LTBR: variants seen among roughly 807,000 people sequenced by gnomAD.
LTBR encodes the protein tumor necrosis factor receptor superfamily member 3.
Under a neutral mutation model 45.4 loss-of-function variants are expected in LTBR, and 15 were observed. The ratio of observed to expected loss-of-function variants is 0.33; its 90% CI spans 0.22 to 0.51. The LOEUF is 0.51. Among genes scored for constraint, LTBR ranks in the 20% least tolerant of loss-of-function variants. The pLI, the probability that LTBR is intolerant of heterozygous loss-of-function variation, is 0.97. For missense variants in LTBR, 450 were observed against 565.5 expected (o/e 0.80, Z 2.07); for synonymous variants, 228 against 231.0 (o/e 0.99, Z 0.12).
chr12:6,377,657 A>G, intron 1 of LTBR: 2 of 1,305,204 alleles, frequency 1.5e-6, no homozygotes, highest in South Asian at 1.2e-5. Context: ...CCCTTGAGCC[A>G]GGTCCTTACA....
rs1439214900 is a variant in LTBR, at chr12:6,388,213, C to G, written c.668-185C>G. The G allele has an allele frequency of 1.7e-6, 1 of 573,188 alleles. No homozygotes were observed. Among genetic ancestry groups the G allele is most frequent in the Non-Finnish European group, 3.1e-6 (1 of 319,592 alleles). The allele number at this position is 573,188 out of a possible 1,614,324, so 35.5% of individuals were successfully genotyped here. On this transcript the variant is annotated intron_variant, in intron 6 of 9. Transcript: ENST00000228918. This position sits in a 1 kb window ranked among gnomAD's most constrained non-coding sequence, Gnocchi z 4.3. ...GGTCCTCAAGTCCAACTTAGTTCCC[C>G]TTCTCTATAACCCAAGGGAAGTTTC...
At position 6,388,549 on chromosome 12, in the gene LTBR, G is replaced by T; in HGVS notation, c.775+44G>T. 3 of 1,539,618 alleles carry T rather than the reference G, an allele frequency of 1.9e-6. No individual in the cohort carries two copies. The highest frequency in any genetic ancestry group is 2.7e-6 in the Non-Finnish European group (3 of 1,113,310). On this transcript the variant is annotated intron_variant, in intron 7 of 9. Coordinates refer to ENST00000228918, the MANE Select transcript of LTBR (RefSeq NM_002342.3). This position sits in a 1 kb window ranked among gnomAD's most constrained non-coding sequence, Gnocchi z 4.3. ...CAGTGGATGGTTGGCAATGGGAGCC[G>T]GAGGGAGGAATATTCAACTTCCCCG...
intron 1 of LTBR, among the ~76,000 whole-genome samples, chr12:6,377,004 A>G (rs1483701345): frequency 6.6e-5 from 10 of 152,376 alleles, no homozygotes; most frequent in South Asian, 2.1e-4. Context: ...GAGATAAGAC[A>G]TAAGAGCCAA....
At chr12:6,383,141 G>A (rs1384664356), upstream of LTBR, among the ~76,000 whole-genome samples, 1 of 152,202 alleles carries the variant, frequency 6.6e-6, no homozygotes, top group Non-Finnish European at 1.5e-5. Context: ...TCTTCACGGG[G>A]ACTGTGCAAC....
chr12:6,384,514 C>A, intron 1 of LTBR, 60 bp downstream of exon 1: 2 of 1,599,258 alleles, frequency 1.3e-6, no homozygotes, highest in Non-Finnish European at 8.5e-7. Context: ...GGGCAGCCGT[C>A]GCTCCATTCC....
chr12:6,377,563 G>A, intron 1 of LTBR: 1 of 910,704 alleles, frequency 1.1e-6, no homozygotes, highest in South Asian at 1.4e-5. Flanking sequence ...CTGGGTGCTG[G>A]GTTATCTCCT....
At chr12:6,384,916 TG>T in intron 2 of LTBR, 105 bp from the exon 3 acceptor site, 2 of 1,462,210 alleles carry the variant, frequency 1.4e-6, no homozygotes, top group Non-Finnish European at 1.9e-6. Flanking sequence ...GGCAGGATGA[TG>T]GGGGGCCAGA....
At chr12:6,383,394 A>C (rs919997806), upstream of LTBR, among the ~76,000 whole-genome samples, 3 of 152,128 alleles carry the variant, frequency 2.0e-5, no homozygotes, top group African/African-American at 7.2e-5. Context: ...TCCATGCTTA[A>C]GGTGAGGGGG....
chr12:6,388,485 C>T lies in LTBR; in HGVS notation c.755C>T (p.Pro252Leu), dbSNP rs1306976530. The part of the protein sequence containing the change: ...TVFSCIWKSH[P>L]SLCRKLGSLL... ...TTCTCCTGCATCTGGAAGAGCCACC[C>T]TTCTCTCTGCAGGAAACTGGGTAGG... Residue 252 changes from proline to leucine, a missense_variant, in exon 7 of 10, where the codon CCT (proline) becomes CTT (leucine). Physicochemically the swap from Pro to Leu is moderately conservative, Grantham distance 98. Around this residue, in one of 3 missense-constraint regions of LTBR, gnomAD observed 367 missense variants for 435.4 expected, o/e 0.84. Coordinates refer to ENST00000228918, the MANE Select transcript of LTBR (RefSeq NM_002342.3). This position sits in a 1 kb window ranked among gnomAD's most constrained non-coding sequence, Gnocchi z 4.3. The T allele has an allele frequency of 1.9e-6, 3 of 1,613,918 alleles. No homozygotes were observed. Among genetic ancestry groups the T allele is most frequent in the East Asian group, 2.2e-5 (1 of 44,896 alleles).
rs749686360 is a variant in LTBR at position 6,390,820 on chromosome 12, C to T, written c.1191C>T (p.Pro397=). 1.4e-5 allele frequency: 23 copies of T among 1,611,562 alleles called. No homozygotes were observed. Among genetic ancestry groups the T allele is most frequent in the Admixed American group, 1.2e-4 (7 of 59,918 alleles). ...CCGAAGAGGGGGACCCTGGCCCTCC[C>T]GGGCTCTCTACACCCCACCAGGAAG... is the stretch of plus-strand genomic sequence containing the variant. The part of the protein sequence containing the change: ...PIPEEGDPGP[P]GLSTPHQEDG... Residue 397 remains proline, a synonymous_variant, in exon 10 of 10, where the codon CCC becomes CCT. Coordinates refer to ENST00000228918, the MANE Select transcript of LTBR (RefSeq NM_002342.3).
chr12:6,376,102 AC>A, intron 1 of LTBR: 1 of 988,574 alleles, frequency 1.0e-6, no homozygotes, highest in Non-Finnish European at 1.2e-6. Flanking sequence ...CTCCAAGGGC[AC>A]CCACAGGTCA....
upstream of LTBR, chr12:6,384,006 C>A: frequency 8.7e-7 from 1 of 1,149,126 alleles, no homozygotes; most frequent in East Asian, 4.3e-5. Flanking sequence ...AGGGAGGAGG[C>A]CGGTTCCGGC....
At chr12:6,390,387 T>G in intron 9 of LTBR, 47 bp downstream of exon 9, 4 of 1,474,744 alleles carry the variant, frequency 2.7e-6, no homozygotes, top group South Asian at 1.2e-5. Flanking sequence ...GAGGGAGGGA[T>G]GGCTGGCAGG....
At chr12:6,381,640 C>T (rs1948985960), upstream of LTBR, among the ~76,000 whole-genome samples, 1 of 152,198 alleles carries the variant, frequency 6.6e-6, no homozygotes, top group Admixed American at 6.5e-5. Context: ...AAGCAGGAAG[C>T]TTTGACTGGG....
In LTBR at chr12:6,385,514, G is replaced by A. The variant is rs938369915; in HGVS notation, c.472+135G>A. 1.1e-4 allele frequency: 115 copies of A among 1,067,866 alleles called. 1 individual carries two copies. Among genetic ancestry groups the A allele is most frequent in the Non-Finnish European group, 1.4e-4 (108 of 751,138 alleles). 66.1% of individuals were successfully genotyped at this position (1,067,866 alleles called of 1,614,324 possible). Reference sequence around the variant, plus strand: ...CTTAAAATTCCTCTTCTCATTCCATGCAGAGGCTCACAGAAGGGTTCTGGA... The same window carrying A: ...CTTAAAATTCCTCTTCTCATTCCATACAGAGGCTCACAGAAGGGTTCTGGA... On this transcript the variant is annotated intron_variant, in intron 4 of 9. Transcript: ENST00000228918.
In LTBR at chr12:6,386,165, G is replaced by A; in HGVS notation, c.569+3G>A. The A allele has an allele frequency of 6.2e-7, 1 of 1,611,106 alleles. No individual in the cohort carries two copies. Among genetic ancestry groups the A allele is most frequent in the Non-Finnish European group, 8.5e-7 (1 of 1,177,456 alleles). On this transcript the variant is annotated splice_donor_region_variant and intron_variant, in intron 5 of 9. Coordinates refer to ENST00000228918, the MANE Select transcript of LTBR (RefSeq NM_002342.3). This position sits in a 1 kb window ranked among gnomAD's most constrained non-coding sequence, Gnocchi z 4.1. ...GCCCGCTGCCAGCCCCACACCAGGT[G>A]AGTGCAGCCCCACCCAAGCTCCTTC...
rs769007811 is a variant in LTBR, at chr12:6,384,707, A to C, written c.193+23A>C. 4 of 1,608,934 alleles carry C rather than the reference A, an allele frequency of 2.5e-6. No individual in the cohort carries two copies. The South Asian group carries it at 3.3e-5, about 13-fold the overall frequency. The stretch of plus-strand genomic sequence containing the variant: ...CAGGTGAGAGGCAATGGCAGGACGA[A>C]CCTGGGCCTCGGAAGTGGGTCACGG... On this transcript the variant is annotated intron_variant, in intron 2 of 9. Coordinates refer to ENST00000228918, the MANE Select transcript of LTBR (RefSeq NM_002342.3).
In LTBR at chr12:6,388,263, A is replaced by G. The variant is rs1023784319; in HGVS notation, c.668-135A>G. ...CTCTCATTCTGCCTTTAGGAGCTGC[A>G]TTGTGTCTAGAAGGAAAAAAGCTGC... is the stretch of plus-strand genomic sequence containing the variant. On this transcript the variant is annotated intron_variant, in intron 6 of 9. Coordinates refer to ENST00000228918, the MANE Select transcript of LTBR (RefSeq NM_002342.3). The surrounding 1 kb of genome is among the most constrained non-coding windows in gnomAD (Gnocchi z 4.3). 2.9e-5 allele frequency: 19 copies of G among 646,642 alleles called. No individual in the cohort carries two copies. The highest frequency in any genetic ancestry group is 5.0e-5 in the Non-Finnish European group (18 of 362,938). The allele number at this position is 646,642 out of a possible 1,614,324, so 40.1% of individuals were successfully genotyped here.
intron 8 of LTBR, 49 bp from the exon 9 acceptor site, chr12:6,390,063 A>G (rs1949093416): frequency 2.5e-6 from 3 of 1,215,758 alleles, no homozygotes; most frequent in Non-Finnish European, 3.6e-6. Context: ...GAGAGAAAAA[A>G]GGGTCTGGGG....
Sources: allele counts gnomAD v4.1 joint callset (sites outside exome capture counted in the v4.1 genomes callset), GRCh38; gene constraint gnomAD v4.1.1; regional missense constraint gnomAD v4.1.1; non-coding constraint Gnocchi (gnomAD v3.1); transcripts MANE v1.5; gene names NCBI Gene and HGNC (gene_info 2026-07-23, HGNC 2026-07-21).